SLC25A13: variants seen among roughly 807,000 people sequenced by gnomAD.
SLC25A13 encodes the protein electrogenic aspartate/glutamate antiporter SLC25A13, mitochondrial.
Under a neutral mutation model 85.5 loss-of-function variants are expected in SLC25A13, and 70 were observed. The ratio of observed to expected loss-of-function variants is 0.82; its 90% CI spans 0.68 to 1.00. The LOEUF (loss-of-function observed/expected upper bound fraction) is 1.00. SLC25A13 is among the 50% of genes least tolerant of loss of function. SLC25A13 has a pLI of 0.00. For missense variants in SLC25A13, 765 were observed against 819.8 expected (o/e 0.93, Z 0.82); for synonymous variants, 259 against 288.7 (o/e 0.90, Z 1.04).
intron 3 of SLC25A13, among the ~76,000 whole-genome samples, chr7:96,249,076 T>A (rs1466145793): frequency 1.3e-5 from 2 of 152,186 alleles, no homozygotes; most frequent in East Asian, 3.9e-4. Context: ...AAGGCTAACG[T>A]GGGAGGGTCG....
chr7:96,310,527 G>GTAATTTCTCCA (rs1322447805), intron 1 of SLC25A13, among the ~76,000 whole-genome samples: 1 of 152,154 alleles, frequency 6.6e-6, no homozygotes, highest in Non-Finnish European at 1.5e-5. Context: ...CCATTGTAAA[G>GTAATTTCTCCA]GTACTTTTTC....
At position 96,262,681 on chromosome 7, in the gene SLC25A13, G is replaced by T. The variant is rs144525898; in HGVS notation, c.212+14515C>A. Among the ~76,000 whole-genome samples, 33 of 152,236 alleles carry T rather than the reference G, an allele frequency of 2.2e-4. No individual in the cohort carries two copies. In the East Asian group the frequency reaches 5.0e-3, roughly 23 times the overall value. On this transcript the variant is annotated intron_variant, in intron 3 of 17. Transcript: ENST00000265631. ...GCAAAGAATCTTGCAAAGGCCATCA[G>T]AACTTCTAAGCAAAGACATAAGCAA...
At chr7:96,157,369 A>G (rs1793321010) in intron 13 of SLC25A13, among the ~76,000 whole-genome samples, 1 of 152,158 alleles carries the variant, frequency 6.6e-6, no homozygotes, top group South Asian at 2.1e-4. Context: ...CAGTGTCTAC[A>G]TGCTTCTATA....
chr7:96,139,155 G>A (rs2116455533), intron 14 of SLC25A13, among the ~76,000 whole-genome samples: 1 of 152,244 alleles, frequency 6.6e-6, no homozygotes, highest in South Asian at 2.1e-4. Flanking sequence ...CTATGAATAG[G>A]TAGGTATGAT....
At chr7:96,281,391 CAAA>C (rs748690314) in intron 2 of SLC25A13, among the ~76,000 whole-genome samples, 3 of 57,086 alleles carry the variant, frequency 5.3e-5, no homozygotes, top group Non-Finnish European at 7.3e-5. Flanking sequence ...AACTCCATCT[CAAA>C]AAAAAAAAAA....
chr7:96,121,175 C>T lies in SLC25A13; in HGVS notation c.*16G>A. The T allele has an allele frequency of 1.2e-6, 2 of 1,613,712 alleles. No individual in the cohort carries two copies. Among genetic ancestry groups the T allele is most frequent in the Admixed American group, 3.3e-5 (2 of 60,034 alleles). ...AGTACCCACAAAAAGACAGCACTAT[C>T]CCAGGGCTGATCTTCCTATGGGCCT... On this transcript the variant is annotated 3_prime_UTR_variant, in exon 18 of 18. Coordinates refer to ENST00000265631, the MANE Select transcript of SLC25A13 (RefSeq NM_014251.3).
intron 3 of SLC25A13, among the ~76,000 whole-genome samples, chr7:96,276,064 C>T (rs1345243447): frequency 1.3e-5 from 2 of 152,144 alleles, no homozygotes; most frequent in East Asian, 3.9e-4. Context: ...AGAACTCCAC[C>T]TCAGAGTGAT....
At chr7:96,205,728 T>G (rs1795434199) in intron 5 of SLC25A13, among the ~76,000 whole-genome samples, 2 of 152,072 alleles carry the variant, frequency 1.3e-5, no homozygotes, top group Non-Finnish European at 2.9e-5. Context: ...AATATCAAAT[T>G]GATTCACCAC....
At chr7:96,159,146 G>A (rs1174920752) in intron 13 of SLC25A13, among the ~76,000 whole-genome samples, 3 of 152,148 alleles carry the variant, frequency 2.0e-5, no homozygotes, top group Admixed American at 2.0e-4. Context: ...TCACCCTGTC[G>A]AGCTCTGAAG....
intron 11 of SLC25A13, among the ~76,000 whole-genome samples, chr7:96,176,972 T>G (rs1189524318): frequency 2.0e-5 from 3 of 152,174 alleles, no homozygotes; most frequent in Non-Finnish European, 4.4e-5. Flanking sequence ...AGGTTCCCTC[T>G]TGGCAAAACA....
chr7:96,179,071 C>G (rs894498375), intron 11 of SLC25A13, among the ~76,000 whole-genome samples: 3 of 152,136 alleles, frequency 2.0e-5, no homozygotes, highest in African/African-American at 7.2e-5. Context: ...CTTTGGGAGA[C>G]AAAGTGTTAA....
rs960423989 is a variant in SLC25A13 at position 96,297,779 on chromosome 7, T to A, written c.16-828A>T. On this transcript the variant is annotated intron_variant, in intron 1 of 17. Transcript: ENST00000265631. ...GAACCTCTCCTCCTCTCCTCAGTTT[T>A]TAATTAATAAATCATAGGTCTCCAA... 3.3e-5 allele frequency among the ~76,000 whole-genome samples: 5 copies of A among 152,192 alleles called. 1 individual carries two copies. The highest frequency in any genetic ancestry group is 7.3e-5 in the Non-Finnish European group (5 of 68,040).
chr7:96,236,228 C>A (rs182630551), intron 3 of SLC25A13, among the ~76,000 whole-genome samples: 1 of 152,126 alleles, frequency 6.6e-6, no homozygotes, highest in East Asian at 1.9e-4. Context: ...CTTCTCAATG[C>A]CTGGGAACAC....
At chr7:96,185,868 C>G (rs1794623057) in intron 9 of SLC25A13, among the ~76,000 whole-genome samples, 1 of 151,876 alleles carries the variant, frequency 6.6e-6, no homozygotes, top group Admixed American at 6.6e-5. Flanking sequence ...CCACTGCACT[C>G]CAGCCTGGGC....
rs542572835 is a variant in SLC25A13 at position 96,246,262 on chromosome 7, G to A, written c.213-11345C>T. On this transcript the variant is annotated intron_variant, in intron 3 of 17. Transcript: ENST00000265631. Reference sequence around the variant, plus strand: ...GAAGGCACAGCCCAAGGAACAGAATGTTCCCATACATACTTTTAGTTAATG... The same window carrying A: ...GAAGGCACAGCCCAAGGAACAGAATATTCCCATACATACTTTTAGTTAATG... 3.9e-5 allele frequency among the ~76,000 whole-genome samples: 6 copies of A among 152,298 alleles called. No individual in the cohort carries two copies. The South Asian group carries it at 1.2e-3, about 32-fold the overall frequency.
At chr7:96,281,652 T>A (rs188042969) in intron 2 of SLC25A13, among the ~76,000 whole-genome samples, 1 of 152,294 alleles carries the variant, frequency 6.6e-6, no homozygotes, top group East Asian at 1.9e-4. Context: ...CTACTCACTT[T>A]CTGAGTATTC....
At position 96,121,636 on chromosome 7, in the gene SLC25A13, G is replaced by T. The variant is rs1196348779; in HGVS notation, c.1841+19C>A. The T allele has an allele frequency of 3.1e-6, 5 of 1,613,098 alleles. No individual in the cohort carries two copies. In the Admixed American group the frequency reaches 6.7e-5, roughly 22 times the overall value. ...TAGCAGCAGCCAAAATTTAGCAGCA[G>T]ATTTAGCATGATACTTACACTCCTC... On this transcript the variant is annotated intron_variant, in intron 17 of 17. Transcript: ENST00000265631.
intron 1 of SLC25A13, among the ~76,000 whole-genome samples, chr7:96,319,133 C>T (rs1800236156): frequency 1.3e-5 from 2 of 152,198 alleles, no homozygotes; most frequent in Admixed American, 6.5e-5. Flanking sequence ...TTTAAGGCCA[C>T]ATTTACTGCA....
chr7:96,205,147 A>G (rs1453083896), intron 5 of SLC25A13, among the ~76,000 whole-genome samples: 1 of 152,156 alleles, frequency 6.6e-6, no homozygotes, highest in African/African-American at 2.4e-5. Context: ...TGACCTCATG[A>G]TCCACCCGCC....
Sources: gnomAD v4.1 joint callset for allele counts (sites outside exome capture counted in the v4.1 genomes callset) on GRCh38, gnomAD v4.1.1 for gene constraint, MANE v1.5 for transcripts, NCBI Gene and HGNC (gene_info 2026-07-23, HGNC 2026-07-21) for gene names.